The following GRM7 variants were observed in gnomAD, a reference collection of about 807,000 sequenced individuals.
The protein encoded by GRM7 is metabotropic glutamate receptor 7.
In GRM7, 35 loss-of-function variants were observed where a neutral mutation model predicts 84.5. The observed-to-expected ratio is 0.41, with a 90% confidence interval of 0.32 to 0.55. GRM7 has a LOEUF of 0.55. GRM7 is among the 20% of genes least tolerant of loss of function. The pLI is 0.19. For synonymous variants in GRM7, 487 were observed against 455.1 expected (o/e 1.07, Z -0.89); for missense variants, 1,003 against 1,194.6 (o/e 0.84, Z 2.36).
At chr3:7,546,097 G>A (rs1693132307) in intron 7 of GRM7, among the ~76,000 whole-genome samples, 1 of 152,072 alleles carries the variant, frequency 6.6e-6, no homozygotes, top group South Asian at 2.1e-4. Context: ...CATACTAAAA[G>A]TGTCCATTAC....
At chr3:7,663,198 A>G (rs1324721850) in intron 8 of GRM7, among the ~76,000 whole-genome samples, 1 of 152,116 alleles carries the variant, frequency 6.6e-6, no homozygotes, top group Non-Finnish European at 1.5e-5. Flanking sequence ...CAGAAGGGAG[A>G]GAATCAGGAT....
chr3:7,341,949 A>G (rs78100262), intron 4 of GRM7, among the ~76,000 whole-genome samples: 2,161 of 152,256 alleles, frequency 0.014, 51 homozygotes, highest in African/African-American at 0.047. Flanking sequence ...CCCATAGAAT[A>G]CAAAGTTAAC....
intron 4 of GRM7, among the ~76,000 whole-genome samples, chr3:7,356,437 G>T (rs1241679494): frequency 2.0e-5 from 3 of 151,864 alleles, no homozygotes; most frequent in African/African-American, 7.3e-5. Context: ...AACTATCTGG[G>T]ATTACAGGCA....
At chr3:7,374,012 T>C (rs956907136) in intron 4 of GRM7, among the ~76,000 whole-genome samples, 3 of 152,312 alleles carry the variant, frequency 2.0e-5, no homozygotes, top group Non-Finnish European at 4.4e-5. Flanking sequence ...ACATGTTCCA[T>C]GGGAGAGGCA....
At chr3:7,548,950 T>G (rs1693306631) in intron 7 of GRM7, among the ~76,000 whole-genome samples, 1 of 152,194 alleles carries the variant, frequency 6.6e-6, no homozygotes, top group South Asian at 2.1e-4. Context: ...TGGTGGTGGT[T>G]ATTATTCACT....
chr3:6,948,987 G>A (rs891815466), intron 1 of GRM7, among the ~76,000 whole-genome samples: 5 of 152,174 alleles, frequency 3.3e-5, no homozygotes, highest in Non-Finnish European at 7.4e-5. Flanking sequence ...ACAGCACACT[G>A]ATGGGTCTTG....
At chr3:7,695,634 G>T (rs1462947678) in intron 9 of GRM7, among the ~76,000 whole-genome samples, 1 of 152,110 alleles carries the variant, frequency 6.6e-6, no homozygotes. Context: ...CATATACCTG[G>T]ATTCTAAATC....
At chr3:7,298,857 C>T in intron 3 of GRM7, 32 bp downstream of exon 3, 1 of 1,584,138 alleles carries the variant, frequency 6.3e-7, no homozygotes, top group Non-Finnish European at 8.7e-7. Flanking sequence ...TGTTAATATG[C>T]ATGTTGCAAT....
intron 9 of GRM7, among the ~76,000 whole-genome samples, chr3:7,688,968 T>G (rs1231249192): frequency 6.6e-6 from 1 of 152,226 alleles, no homozygotes; most frequent in Admixed American, 6.5e-5. Context: ...ATCAATACTT[T>G]CTGCATCCTT....
intron 2 of GRM7, among the ~76,000 whole-genome samples, chr3:7,159,458 T>A (rs1694555651): frequency 6.6e-6 from 1 of 152,126 alleles, no homozygotes; most frequent in Non-Finnish European, 1.5e-5. Flanking sequence ...GGGAGGGAGA[T>A]CAAGCTTCAT....
At chr3:6,913,455 A>G (rs1304768350) in intron 1 of GRM7, among the ~76,000 whole-genome samples, 1 of 152,218 alleles carries the variant, frequency 6.6e-6, no homozygotes, top group Non-Finnish European at 1.5e-5. Context: ...GAGGATGTGA[A>G]TAATGAACAC....
At chr3:6,895,635 A>G (rs924044174) in intron 1 of GRM7, among the ~76,000 whole-genome samples, 1 of 152,168 alleles carries the variant, frequency 6.6e-6, no homozygotes, top group Non-Finnish European at 1.5e-5. Flanking sequence ...GTCCTTCAGA[A>G]TCTATCTCAG....
intron 1 of GRM7, among the ~76,000 whole-genome samples, chr3:6,929,019 G>A (rs186372255): frequency 6.6e-6 from 1 of 152,094 alleles, no homozygotes; most frequent in Admixed American, 6.6e-5. Flanking sequence ...CCCACGACCT[G>A]CTTGGAAAGC....
intron 2 of GRM7, among the ~76,000 whole-genome samples, chr3:7,238,798 T>TCTCCTCTCCTCTCCTTTTCC (rs1697439222): frequency 6.8e-6 from 1 of 147,700 alleles, no homozygotes; most frequent in Non-Finnish European, 1.5e-5. Context: ...TCTCTTCTCC[T>TCTCCTCTCCTCTCCTTTTCC]CTCCTCTCCT....
intron 7 of GRM7, among the ~76,000 whole-genome samples, chr3:7,484,335 A>G (rs972874168): frequency 6.6e-6 from 1 of 152,172 alleles, no homozygotes; most frequent in Non-Finnish European, 1.5e-5. Context: ...CACTTGTGCC[A>G]GTAGTAATAT....
intron 1 of GRM7, among the ~76,000 whole-genome samples, chr3:6,976,681 GA>G (rs922952764): frequency 6.7e-6 from 1 of 149,188 alleles, no homozygotes; most frequent in Non-Finnish European, 1.5e-5. Context: ...CAGCCTAACT[GA>G]AAAAAAAATG....
intron 1 of GRM7, among the ~76,000 whole-genome samples, chr3:7,094,298 C>T (rs143553127): frequency 8.6e-5 from 13 of 152,032 alleles, no homozygotes; most frequent in South Asian, 4.2e-4. Flanking sequence ...TACATCCAAC[C>T]GACATAATTG....
At chr3:7,257,210 A>C (rs1021331621) in intron 2 of GRM7, among the ~76,000 whole-genome samples, 3 of 152,176 alleles carry the variant, frequency 2.0e-5, no homozygotes, top group Admixed American at 1.3e-4. Context: ...TTTTCTATGG[A>C]AGACCTCTCT....
intron 2 of GRM7, among the ~76,000 whole-genome samples, chr3:7,157,270 G>C (rs1203091150): frequency 6.6e-6 from 1 of 152,116 alleles, no homozygotes; most frequent in Non-Finnish European, 1.5e-5. Context: ...CCATAAGATG[G>C]TTATTGTAGA....
Sources: gnomAD v4.1 joint callset for allele counts (sites outside exome capture counted in the v4.1 genomes callset) on GRCh38, gnomAD v4.1.1 for gene constraint, MANE v1.5 for transcripts, NCBI Gene and HGNC (gene_info 2026-07-23, HGNC 2026-07-21) for gene names.